The following GBE1 variants were observed in gnomAD, a reference collection of about 807,000 sequenced individuals.
The protein encoded by GBE1 is 1,4-alpha-glucan branching enzyme 1, also known as 1,4-alpha-glucan-branching enzyme.
Under a neutral mutation model 88.8 loss-of-function variants are expected in GBE1, and 70 were observed. The observed-to-expected ratio is 0.79, with a 90% CI of 0.65 to 0.96. GBE1 has a LOEUF of 0.96. Among genes scored for constraint, GBE1 ranks in the 40% least tolerant of loss-of-function variants. The probability of loss-of-function intolerance (pLI) is 0.00; values close to 1 mark genes in which losing one functional copy is unlikely to be tolerated. For missense variants in GBE1, 872 were observed against 871.0 expected, an observed-to-expected ratio of 1.00 and a Z score of -0.01; for synonymous variants, 284 against 300.1, an observed-to-expected ratio of 0.95 and a Z score of 0.56.
At chr3:81,736,477 G>C (rs1030700060) in intron 1 of GBE1, among the ~76,000 whole-genome samples, 10 of 152,140 alleles carry the variant, frequency 6.6e-5, no homozygotes, top group Admixed American at 6.5e-4. Context: ...ACACATATTT[G>C]TATGTTGCAT....
At chr3:81,744,186 C>T (rs1706391246) in intron 1 of GBE1, among the ~76,000 whole-genome samples, 2 of 152,022 alleles carry the variant, frequency 1.3e-5, no homozygotes, top group South Asian at 4.2e-4. Context: ...TTATTAAGCA[C>T]TTGAAATATG....
At chr3:81,515,986 T>G (rs960886865) in intron 14 of GBE1, among the ~76,000 whole-genome samples, 1 of 151,686 alleles carries the variant, frequency 6.6e-6, no homozygotes, top group African/African-American at 2.4e-5. Context: ...TAAAGACATC[T>G]TCATAACATA....
intron 7 of GBE1, among the ~76,000 whole-genome samples, chr3:81,637,630 G>A (rs2107049047): frequency 6.6e-6 from 1 of 152,028 alleles, no homozygotes; most frequent in Middle Eastern, 3.4e-3. Context: ...TGGGTGAATT[G>A]TTCTCTTTGT....
intron 14 of GBE1, among the ~76,000 whole-genome samples, chr3:81,521,111 C>T (rs985530602): frequency 8.6e-5 from 13 of 151,542 alleles, no homozygotes; most frequent in Non-Finnish European, 1.5e-4. Context: ...ACCATCTATT[C>T]TCCACAGGTT....
chr3:81,642,693 A>G (rs1704702487), intron 7 of GBE1, 88 bp downstream of exon 7: 1 of 819,326 alleles, frequency 1.2e-6, no homozygotes, highest in African/African-American at 1.7e-5. Context: ...CCAGTGAGAG[A>G]GTACACACAC....
intron 2 of GBE1, among the ~76,000 whole-genome samples, chr3:81,679,818 C>A (rs962777713): frequency 2.0e-5 from 3 of 152,170 alleles, no homozygotes; most frequent in African/African-American, 4.8e-5. Flanking sequence ...TAGCTCAATA[C>A]AGGGGCAATC....
chr3:81,751,493 T>G (rs1195992208), intron 1 of GBE1, among the ~76,000 whole-genome samples: 22 of 152,190 alleles, frequency 1.4e-4, no homozygotes. Flanking sequence ...GAAGAACCAG[T>G]TGAAGTTTAC....
At chr3:81,681,292 C>CAT (rs1705337176) in intron 2 of GBE1, among the ~76,000 whole-genome samples, 1 of 151,990 alleles carries the variant, frequency 6.6e-6, no homozygotes, top group African/African-American at 2.4e-5. Flanking sequence ...ATTTGGGGGC[C>CAT]AGTAGGGGGG....
intron 1 of GBE1, among the ~76,000 whole-genome samples, chr3:81,732,803 A>G (rs1263816589): frequency 6.6e-6 from 1 of 152,120 alleles, no homozygotes; most frequent in African/African-American, 2.4e-5. Context: ...GTCTTCTCAA[A>G]ACGCTTCAGT....
intron 14 of GBE1, among the ~76,000 whole-genome samples, chr3:81,503,443 C>T (rs539476685): frequency 3.9e-5 from 6 of 152,086 alleles, no homozygotes; most frequent in African/African-American, 1.2e-4. Flanking sequence ...AAAAAATTAA[C>T]CCGGAGGTTG....
chr3:81,664,007 C>A (rs926017963), intron 3 of GBE1, among the ~76,000 whole-genome samples: 8 of 151,720 alleles, frequency 5.3e-5, no homozygotes, highest in Admixed American at 2.0e-4. Flanking sequence ...TAAAAAGGGG[C>A]TGTGCATAGA....
chr3:81,737,413 T>TTATA (rs796117592), intron 1 of GBE1, among the ~76,000 whole-genome samples: 18 of 49,454 alleles, frequency 3.6e-4, no homozygotes, highest in African/African-American at 6.4e-4. Flanking sequence ...TTTTATATAT[T>TTATA]TATATAAATA....
intron 2 of GBE1, among the ~76,000 whole-genome samples, chr3:81,704,579 A>G (rs1176502480): frequency 6.6e-6 from 1 of 152,074 alleles, no homozygotes; most frequent in African/African-American, 2.4e-5. Context: ...ATTGAATAAC[A>G]CAGCATGTAG....
intron 14 of GBE1, among the ~76,000 whole-genome samples, chr3:81,506,422 TGGA>T (rs1702655192): frequency 6.6e-6 from 1 of 152,120 alleles, no homozygotes; most frequent in Non-Finnish European, 1.5e-5. Flanking sequence ...GGCGAGATTG[TGGA>T]GAAGAAGGAA....
chr3:81,741,471 T>C (rs1706348283), intron 1 of GBE1, among the ~76,000 whole-genome samples: 1 of 152,118 alleles, frequency 6.6e-6, no homozygotes, highest in African/African-American at 2.4e-5. Context: ...CAGATGGAAG[T>C]CGAGAGGAAC....
intron 7 of GBE1, among the ~76,000 whole-genome samples, chr3:81,635,721 G>T (rs1208816219): frequency 6.6e-6 from 1 of 152,050 alleles, no homozygotes; most frequent in Non-Finnish European, 1.5e-5. Flanking sequence ...ATAATTCCCA[G>T]ACTTAAATGG....
At chr3:81,591,653 A>G (rs879592634) in intron 8 of GBE1, among the ~76,000 whole-genome samples, 1 of 152,086 alleles carries the variant, frequency 6.6e-6, no homozygotes, top group Admixed American at 6.6e-5. Context: ...TATGATAAAG[A>G]GATTATATAT....
intron 1 of GBE1, among the ~76,000 whole-genome samples, chr3:81,714,279 T>G (rs936499905): frequency 6.6e-6 from 1 of 152,166 alleles, no homozygotes; most frequent in African/African-American, 2.4e-5. Flanking sequence ...TGGTTAGAGT[T>G]AGGTTTAAGA....
At chr3:81,717,655 A>G (rs370014527) in intron 1 of GBE1, among the ~76,000 whole-genome samples, 27 of 152,332 alleles carry the variant, frequency 1.8e-4, no homozygotes, top group South Asian at 4.1e-4. Context: ...TGACCTTTGG[A>G]AAGATGAATA....
Sources: allele counts gnomAD v4.1 joint callset (sites outside exome capture counted in the v4.1 genomes callset), GRCh38; gene constraint gnomAD v4.1.1; transcripts MANE v1.5; gene names NCBI Gene and HGNC (gene_info 2026-07-23, HGNC 2026-07-21).